Variants in MAP4K3 observed in about 807,000 individuals in gnomAD.
The protein encoded by MAP4K3 is MAPK/ERK kinase kinase kinase 3.
MAP4K3 carries 94 observed loss-of-function variants against 143.5 expected under a neutral mutation model. That is an observed-to-expected ratio of 0.65 (90% CI 0.55 to 0.78). The LOEUF (loss-of-function observed/expected upper bound fraction) is 0.78. MAP4K3 is among the 30% of genes least tolerant of loss of function. The pLI, the probability that MAP4K3 is intolerant of heterozygous loss-of-function variation, is 0.00. For synonymous variants in MAP4K3, 416 were observed against 347.2 expected (o/e 1.20, Z -2.20); for missense variants, 1,077 against 1,068.1 (o/e 1.01, Z -0.12).
chr2:39,273,536 CA>C (rs67467480), intron 24 of MAP4K3, among the ~76,000 whole-genome samples: 104,202 of 151,952 alleles, frequency 0.69, 39,651 homozygotes, highest in Non-Finnish European at 0.84. Context: ...AGAGAGGACC[CA>C]GGGGTGAATG....
intron 15 of MAP4K3, among the ~76,000 whole-genome samples, chr2:39,302,916 C>T (rs998209753): frequency 1.3e-5 from 2 of 152,134 alleles, no homozygotes; most frequent in African/African-American, 4.8e-5. Context: ...GAGACTATTT[C>T]TAAATTTCAG....
rs368625099 is a variant in MAP4K3 at position 39,366,306 on chromosome 2, G to A, written c.155-9967C>T. ...GGTGGAGGTGGTGGCTTCCAGGTTA[G>A]AGGGAGATTTTAAAAATTTTCTGAT... On this transcript the variant is annotated intron_variant, in intron 2 of 33. Transcript: ENST00000263881. Among the ~76,000 whole-genome samples, 10 of 152,208 alleles carry A rather than the reference G, an allele frequency of 6.6e-5. No individual in the cohort carries two copies. The East Asian group carries it at 1.5e-3, about 23-fold the overall frequency.
At chr2:39,363,386 G>C (rs1665823666) in intron 2 of MAP4K3, among the ~76,000 whole-genome samples, 1 of 149,280 alleles carries the variant, frequency 6.7e-6, no homozygotes, top group Admixed American at 6.6e-5. Flanking sequence ...ACGAGCAAAG[G>C]GCTCGGCGCA....
intron 26 of MAP4K3, among the ~76,000 whole-genome samples, chr2:39,270,799 G>A (rs2148453176): frequency 6.6e-6 from 1 of 152,264 alleles, no homozygotes; most frequent in South Asian, 2.1e-4. Flanking sequence ...TGTGCTCACT[G>A]TATGGCAGAA....
chr2:39,385,419 T>C (rs1439838790), intron 1 of MAP4K3, among the ~76,000 whole-genome samples: 1 of 151,842 alleles, frequency 6.6e-6, no homozygotes. Flanking sequence ...TAGTTTGCAT[T>C]TCCTTGATGA....
At chr2:39,328,005 G>C (rs548345490) in intron 8 of MAP4K3, among the ~76,000 whole-genome samples, 1 of 152,178 alleles carries the variant, frequency 6.6e-6, no homozygotes, top group East Asian at 1.9e-4. Context: ...ATTTGCTATT[G>C]TAAACACATA....
chr2:39,337,791 C>A (rs1282583782), intron 4 of MAP4K3, among the ~76,000 whole-genome samples: 1 of 92,586 alleles, frequency 1.1e-5, no homozygotes, highest in Admixed American at 1.7e-4. Flanking sequence ...GAGACAGGGT[C>A]TCATTATGTC....
chr2:39,293,015 G>C lies in MAP4K3; in HGVS notation c.1218-189C>G, dbSNP rs370809253. Among the ~76,000 whole-genome samples the C allele has an allele frequency of 2.0e-5, 3 of 152,264 alleles. No homozygotes were observed. In the East Asian group the frequency reaches 5.8e-4, roughly 29 times the overall value. On this transcript the variant is annotated intron_variant, in intron 17 of 33. Transcript: ENST00000263881. ...GATCGTGATGTCCGTTACTAGGGAG[G>C]ATGAGGTGGAAAGATCGCTTGAGCC...
At chr2:39,306,625 A>AC (rs1228548241) in intron 15 of MAP4K3, among the ~76,000 whole-genome samples, 1 of 152,048 alleles carries the variant, frequency 6.6e-6, no homozygotes, top group African/African-American at 2.4e-5. Context: ...ATTTAAATCT[A>AC]CTTTTTTTTA....
chr2:39,367,167 A>G (rs1173204293), intron 2 of MAP4K3, among the ~76,000 whole-genome samples: 1 of 152,252 alleles, frequency 6.6e-6, no homozygotes. Context: ...TATCACTTAC[A>G]TTTACATACA....
intron 31 of MAP4K3, among the ~76,000 whole-genome samples, chr2:39,257,126 T>G (rs1680372322): frequency 6.6e-6 from 1 of 152,218 alleles, no homozygotes; most frequent in South Asian, 2.1e-4. Flanking sequence ...TAACTGCCTT[T>G]AGCCTTACCG....
intron 1 of MAP4K3, among the ~76,000 whole-genome samples, chr2:39,385,153 C>G (rs894302379): frequency 5.9e-5 from 9 of 152,158 alleles, no homozygotes; most frequent in Middle Eastern, 3.4e-3. Context: ...TTGGCAAATA[C>G]GGAAAGAGCT....
At chr2:39,345,421 G>A (rs1665260114) in intron 3 of MAP4K3, among the ~76,000 whole-genome samples, 1 of 152,004 alleles carries the variant, frequency 6.6e-6, no homozygotes, top group Non-Finnish European at 1.5e-5. Flanking sequence ...GAATCTTAAA[G>A]AAAACAAAAA....
chr2:39,338,915 A>T (rs376171128), intron 4 of MAP4K3, among the ~76,000 whole-genome samples: 65 of 152,316 alleles, frequency 4.3e-4, no homozygotes, highest in African/African-American at 1.4e-3. Context: ...CAGCCTCCAG[A>T]AGTGTGAGAA....
chr2:39,255,864 C>A (rs1680322508), intron 31 of MAP4K3, among the ~76,000 whole-genome samples: 1 of 152,064 alleles, frequency 6.6e-6, no homozygotes. Flanking sequence ...TCAAGTGGCA[C>A]AAAACATCAT....
intron 2 of MAP4K3, among the ~76,000 whole-genome samples, chr2:39,360,348 C>T (rs1340056128): frequency 6.6e-6 from 1 of 152,212 alleles, no homozygotes; most frequent in Non-Finnish European, 1.5e-5. Context: ...TTGATCAAAG[C>T]CATTCAACAT....
intron 1 of MAP4K3, among the ~76,000 whole-genome samples, chr2:39,385,514 G>C (rs1420239425): frequency 7.3e-6 from 1 of 136,520 alleles, no homozygotes; most frequent in Non-Finnish European, 1.5e-5. Flanking sequence ...GTTTTTAACT[G>C]GAATATTTAT....
chr2:39,343,916 C>T (rs1045818402), intron 3 of MAP4K3, among the ~76,000 whole-genome samples: 1 of 152,172 alleles, frequency 6.6e-6, no homozygotes, highest in African/African-American at 2.4e-5. Flanking sequence ...ACTCACTTCT[C>T]TTTAGATAGC....
At position 39,415,325 on chromosome 2, in the gene MAP4K3, A is replaced by G. The variant is rs1223227241; in HGVS notation, c.96+21567T>C. Among the ~76,000 whole-genome samples the G allele has an allele frequency of 2.0e-5, 3 of 152,232 alleles. No individual in the cohort carries two copies. In the East Asian group the frequency reaches 5.8e-4, roughly 29 times the overall value. ...CAAAGGAAAATTTGACAAGTTCTGCACTAAAATAATGGGAATTCTCAGTGC... is the reference window on the plus strand; with the variant it reads ...CAAAGGAAAATTTGACAAGTTCTGCGCTAAAATAATGGGAATTCTCAGTGC... On this transcript the variant is annotated intron_variant, in intron 1 of 33. Coordinates refer to ENST00000263881, the MANE Select transcript of MAP4K3 (RefSeq NM_003618.4).
Sources: allele counts gnomAD v4.1 joint callset (sites outside exome capture counted in the v4.1 genomes callset), GRCh38; gene constraint gnomAD v4.1.1; transcripts MANE v1.5; gene names NCBI Gene and HGNC (gene_info 2026-07-23, HGNC 2026-07-21).